Variants in AAMDC observed in about 807,000 individuals in gnomAD.
AAMDC encodes mth938 domain-containing protein.
Under a neutral mutation model 15.5 loss-of-function variants are expected in AAMDC, and 16 were observed. The observed-to-expected ratio is 1.03, with a 90% confidence interval of 0.70 to 1.57. The LOEUF is 1.57. AAMDC is among the 40% of genes most tolerant of loss of function. The pLI, the probability that AAMDC is intolerant of heterozygous loss-of-function variation, is 0.00. For synonymous variants in AAMDC, 51 were observed against 51.6 expected (o/e 0.99, Z 0.05); for missense variants, 141 against 144.9 (o/e 0.97, Z 0.14).
At chr11:77,848,701 TA>T (rs1264240561) in intron 2 of AAMDC, among the ~76,000 whole-genome samples, 1 of 152,204 alleles carries the variant, frequency 6.6e-6, no homozygotes, top group African/African-American at 2.4e-5. Flanking sequence ...AGAAGTTATA[TA>T]ACTTGTGTAG....
intron 5 of AAMDC, chr11:77,883,799 A>C: frequency 6.2e-7 from 1 of 1,608,202 alleles, no homozygotes; most frequent in Non-Finnish European, 8.5e-7. Context: ...CCAGCAGCAT[A>C]TTTCCCTTCC....
chr11:77,900,759 G>A, downstream of AAMDC: 1 of 609,130 alleles, frequency 1.6e-6, no homozygotes, highest in Non-Finnish European at 2.9e-6. Context: ...TAAAAAATGT[G>A]TATCTTGGAA....
rs149743297 is a variant in AAMDC at position 77,884,901 on chromosome 11, C to T, written c.328+7852C>T. The T allele has an allele frequency of 2.7e-3, 641 of 241,150 alleles. 3 individuals carry two copies. The highest frequency in any genetic ancestry group is 3.9e-3 in the Non-Finnish European group (441 of 112,684). The allele number at this position is 241,150 out of a possible 1,614,324, so 14.9% of individuals were successfully genotyped here. Reference sequence around the variant, plus strand: ...TCCTGAGGAGTGGGGATTACAGGCACGTGCCACCACGCCAGGTAATTTTCT... The same window carrying T: ...TCCTGAGGAGTGGGGATTACAGGCATGTGCCACCACGCCAGGTAATTTTCT... On this transcript the variant is annotated intron_variant, in intron 5 of 5. Coordinates refer to the AAMDC transcript ENST00000304716.
rs1555017589 is a variant in AAMDC at position 77,884,759 on chromosome 11, C to CA, written c.328+7710_328+7711insA. ...CCCCTGATTCTACACTTCTTTCTTTCTTTTTTTTTCTTTAAAACAGGGTCT... is the reference window on the plus strand; with the variant it reads ...CCCCTGATTCTACACTTCTTTCTTTCATTTTTTTTTCTTTAAAACAGGGTCT... On this transcript the variant is annotated intron_variant, in intron 5 of 5. Transcript: ENST00000304716. 8 of 382,178 alleles carry CA rather than the reference C, an allele frequency of 2.1e-5. No homozygotes were observed. The East Asian group carries it at 5.5e-4, about 26-fold the overall frequency. 23.7% of individuals were successfully genotyped at this position (382,178 alleles called of 1,614,324 possible). A position where few individuals can be genotyped will look rare whatever the true frequency, so the allele number is the denominator to read the frequency against.
At chr11:77,844,693 G>T (rs1431120508) in intron 2 of AAMDC, among the ~76,000 whole-genome samples, 1 of 152,072 alleles carries the variant, frequency 6.6e-6, no homozygotes, top group African/African-American at 2.4e-5. Flanking sequence ...TATTCATTGG[G>T]TATTTGCTCT....
intron 2 of AAMDC, among the ~76,000 whole-genome samples, chr11:77,846,081 C>T (rs1446935714): frequency 6.6e-6 from 1 of 151,842 alleles, no homozygotes; most frequent in Non-Finnish European, 1.5e-5. Flanking sequence ...CCCTCCCATT[C>T]TGAGGGTTTG....
chr11:77,857,936 C>G (rs1474704496), intron 2 of AAMDC, among the ~76,000 whole-genome samples: 1 of 152,106 alleles, frequency 6.6e-6, no homozygotes, highest in Non-Finnish European at 1.5e-5. Context: ...ACCTTGTGAT[C>G]TGCCCACATT....
intron 5 of AAMDC, chr11:77,879,132 A>G: frequency 6.2e-7 from 1 of 1,613,924 alleles, no homozygotes; most frequent in African/African-American, 1.3e-5. Flanking sequence ...ATGCCTCTGA[A>G]AAAAAGATAA....
At chr11:77,841,923 C>T (rs945127688) in intron 1 of AAMDC, among the ~76,000 whole-genome samples, 2 of 152,152 alleles carry the variant, frequency 1.3e-5, no homozygotes, top group East Asian at 1.9e-4. Context: ...TTGGCCATGG[C>T]GGCAAGGCTG....
chr11:77,823,798 A>G (rs1949048078), intron 1 of AAMDC, among the ~76,000 whole-genome samples: 1 of 152,138 alleles, frequency 6.6e-6, no homozygotes, highest in Non-Finnish European at 1.5e-5. Flanking sequence ...TATGGAAAGA[A>G]CCTTCAAACC....
intron 3 of AAMDC, among the ~76,000 whole-genome samples, chr11:77,870,434 T>C (rs1262434345): frequency 6.7e-6 from 1 of 150,080 alleles, no homozygotes; most frequent in African/African-American, 2.5e-5. Flanking sequence ...CCTCCCGGGT[T>C]CATGCCATTC....
intron 1 of AAMDC, among the ~76,000 whole-genome samples, chr11:77,826,582 T>C (rs1165706131): frequency 6.6e-6 from 1 of 152,186 alleles, no homozygotes; most frequent in Non-Finnish European, 1.5e-5. Context: ...AGTTGCAGCA[T>C]AGTCGCTACC....
intron 5 of AAMDC, among the ~76,000 whole-genome samples, chr11:77,882,887 A>G (rs1279898143): frequency 1.3e-5 from 2 of 152,140 alleles, no homozygotes; most frequent in Non-Finnish European, 2.9e-5. Context: ...CTTGGCCAAC[A>G]TGACGAAACC....
At position 77,834,447 on chromosome 11, in the gene AAMDC, T is replaced by G. The variant is rs561202882; in HGVS notation, c.-18-8032T>G. On this transcript the variant is annotated intron_variant, in intron 1 of 3. Transcript: ENST00000393427. ...CATGGAGAAAGTTGATTTTGTTTTT[T>G]TTTTTTTTTTTTTTTGAGACAGAGT... Among the ~76,000 whole-genome samples the G allele has an allele frequency of 9.5e-5, 14 of 147,942 alleles. No individual in the cohort carries two copies. In the South Asian group the frequency reaches 1.1e-3, roughly 11 times the overall value.
At chr11:77,830,688 A>G (rs1176848596) in intron 1 of AAMDC, among the ~76,000 whole-genome samples, 1 of 152,076 alleles carries the variant, frequency 6.6e-6, no homozygotes, top group Non-Finnish European at 1.5e-5. Flanking sequence ...CACCCCAAAC[A>G]GCAACAGGAT....
chr11:77,904,814 G>T (rs527461209), downstream of AAMDC, among the ~76,000 whole-genome samples: 4 of 152,220 alleles, frequency 2.6e-5, no homozygotes, highest in Admixed American at 2.0e-4. Context: ...GCGTGTTTTG[G>T]GTTGTATGCA....
chr11:77,872,934 G>A (rs893714768), downstream of AAMDC, among the ~76,000 whole-genome samples: 2 of 152,214 alleles, frequency 1.3e-5, no homozygotes, highest in Non-Finnish European at 2.9e-5. Flanking sequence ...CTGGGTGACA[G>A]TGAGAGACTC....
downstream of AAMDC, among the ~76,000 whole-genome samples, chr11:77,905,162 T>C (rs903037951): frequency 6.6e-6 from 1 of 152,036 alleles, no homozygotes; most frequent in Non-Finnish European, 1.5e-5. Flanking sequence ...GAACAAATAC[T>C]TAAGACGAAA....
rs35818983 is a variant in AAMDC, at chr11:77,878,361, C to CA, written c.328+1328dup. On this transcript the variant is annotated intron_variant, in intron 5 of 5. Transcript: ENST00000304716. ...TGAGCGACACAGCAAGACTCCATCTCAAAAAAAAAAAAAAAATTTCCTCAA... is the reference window on the plus strand; with the variant it reads ...TGAGCGACACAGCAAGACTCCATCTCAAAAAAAAAAAAAAAAATTTCCTCAA... Among the ~76,000 whole-genome samples, 783 of 126,736 alleles carry CA rather than the reference C, an allele frequency of 6.2e-3. 4 individuals carry two copies. Among genetic ancestry groups the CA allele is most frequent in the East Asian group, 0.033 (148 of 4,496 alleles). 83.1% of individuals were successfully genotyped at this position (126,736 alleles called of 152,430 possible).
Sources: gnomAD v4.1 joint callset for allele counts (sites outside exome capture counted in the v4.1 genomes callset) on GRCh38, gnomAD v4.1.1 for gene constraint, MANE v1.5 for transcripts, NCBI Gene and HGNC (gene_info 2026-07-23, HGNC 2026-07-21) for gene names.